Variants in SAE1 observed in about 807,000 individuals in gnomAD.
The protein encoded by SAE1 is SUMO-activating enzyme subunit 1.
In SAE1, 11 loss-of-function variants were observed where a neutral mutation model predicts 40.6. That is an observed-to-expected ratio of 0.27 (90% CI 0.17 to 0.45). The LOEUF is 0.45. Ranked by LOEUF, SAE1 falls within the 20% of genes least tolerant of loss-of-function variation. The pLI, the probability that SAE1 is intolerant of heterozygous loss-of-function variation, is 1.00. For missense variants in SAE1, 373 were observed against 427.3 expected (o/e 0.87, Z 1.12); for synonymous variants, 155 against 154.3 (o/e 1.00, Z -0.03).
intron 5 of SAE1, among the ~76,000 whole-genome samples, chr19:47,159,797 A>C (rs561144883): frequency 2.4e-4 from 36 of 151,974 alleles, no homozygotes; most frequent in Middle Eastern, 3.4e-3. Context: ...GGGTTCAAGC[A>C]ATTCTCCTGC....
intron 1 of SAE1, among the ~76,000 whole-genome samples, chr19:47,137,239 T>C (rs948039449): frequency 6.6e-6 from 1 of 151,718 alleles, no homozygotes. Flanking sequence ...ACAAAAAAAA[T>C]TAGCCAGGTG....
intron 1 of SAE1, among the ~76,000 whole-genome samples, chr19:47,136,494 C>CTT (rs35463823): frequency 2.7e-5 from 3 of 109,624 alleles, no homozygotes; most frequent in Admixed American, 9.7e-5. Flanking sequence ...TTACCCGAGT[C>CTT]TTTTTTTTTT....
intron 6 of SAE1, among the ~76,000 whole-genome samples, chr19:47,190,418 A>C (rs954574261): frequency 2.0e-5 from 3 of 152,210 alleles, no homozygotes; most frequent in South Asian, 4.1e-4. Flanking sequence ...AGAACTTGTC[A>C]GGGGCTAGGG....
chr19:47,152,427 T>A (rs1396553946), intron 3 of SAE1, among the ~76,000 whole-genome samples: 1 of 152,234 alleles, frequency 6.6e-6, no homozygotes, highest in Non-Finnish European at 1.5e-5. Flanking sequence ...TTTATCTTCT[T>A]TATCTTAACA....
In SAE1 at chr19:47,209,599, T is replaced by C; in HGVS notation, c.*348T>C. On this transcript the variant is annotated 3_prime_UTR_variant, in exon 9 of 9. Transcript: ENST00000270225. ...CAGCCCTCTGGGGCATTGTGGGAGATGCCTGCCAGGAATGAGCAAGCTCTG... is the reference window on the plus strand; with the variant it reads ...CAGCCCTCTGGGGCATTGTGGGAGACGCCTGCCAGGAATGAGCAAGCTCTG... 1 of 340,174 alleles carries C rather than the reference T, an allele frequency of 2.9e-6. No homozygotes were observed. Among genetic ancestry groups the C allele is most frequent in the Non-Finnish European group, 5.4e-6 (1 of 186,760 alleles). The allele number at this position is 340,174 out of a possible 1,614,324, so 21.1% of individuals were successfully genotyped here. A position where few individuals can be genotyped will look rare whatever the true frequency, so the allele number is the denominator to read the frequency against.
intron 2 of SAE1, among the ~76,000 whole-genome samples, chr19:47,145,733 A>G (rs1219642414): frequency 6.6e-6 from 1 of 151,994 alleles, no homozygotes; most frequent in African/African-American, 2.4e-5. Flanking sequence ...TAATTACTTC[A>G]TCTGGTTGTA....
At chr19:47,176,385 C>T (rs1238436545) in intron 6 of SAE1, among the ~76,000 whole-genome samples, 2 of 152,230 alleles carry the variant, frequency 1.3e-5, no homozygotes, top group Non-Finnish European at 2.9e-5. Context: ...GGACAAGGTG[C>T]TTGGCTGGGA....
intron 6 of SAE1, among the ~76,000 whole-genome samples, chr19:47,174,852 C>T (rs1013270622): frequency 2.0e-5 from 3 of 151,766 alleles, no homozygotes; most frequent in Admixed American, 6.6e-5. Context: ...GGATTACAGG[C>T]GTGAGCCACC....
intron 1 of SAE1, chr19:47,135,656 CA>C (rs2058174742): frequency 1.3e-5 from 2 of 152,244 alleles, no homozygotes; most frequent in South Asian, 4.2e-4. Flanking sequence ...GCACGTGTCA[CA>C]AGCCCAGCTA....
rs2058614636 is a variant in SAE1, at chr19:47,196,307, T to C, written c.734-926T>C. Among the ~76,000 whole-genome samples, 3 of 142,020 alleles carry C rather than the reference T, an allele frequency of 2.1e-5. No homozygotes were observed. In the South Asian group the frequency reaches 6.9e-4, roughly 33 times the overall value. The allele number at this position is 142,020 out of a possible 152,430, so 93.2% of individuals were successfully genotyped here. A position where few individuals can be genotyped will look rare whatever the true frequency, so the allele number is the denominator to read the frequency against. On this transcript the variant is annotated intron_variant, in intron 6 of 8. Transcript: ENST00000270225. Reference sequence around the variant, plus strand: ...ACCTCGGCCTCCCAAAGTGCTGGGATTACAGGCGTGAGCCACCGCGCCTGG... The same window carrying C: ...ACCTCGGCCTCCCAAAGTGCTGGGACTACAGGCGTGAGCCACCGCGCCTGG...
At chr19:47,133,790 T>TA (rs1157760911) in intron 1 of SAE1, among the ~76,000 whole-genome samples, 1 of 152,128 alleles carries the variant, frequency 6.6e-6, no homozygotes, top group African/African-American at 2.4e-5. Context: ...TTTTGAAAGA[T>TA]ATGGAGAGCT....
At chr19:47,206,309 C>T (rs1021130382) in intron 8 of SAE1, among the ~76,000 whole-genome samples, 3 of 152,200 alleles carry the variant, frequency 2.0e-5, no homozygotes, top group African/African-American at 7.2e-5. Context: ...CTGCTCTCAT[C>T]CCCAGTACTC....
chr19:47,203,017 A>G (rs2058664173), intron 7 of SAE1, among the ~76,000 whole-genome samples: 1 of 152,194 alleles, frequency 6.6e-6, no homozygotes, highest in Non-Finnish European at 1.5e-5. Context: ...GTGAGCACAC[A>G]GCATTGTGTT....
intron 2 of SAE1, among the ~76,000 whole-genome samples, chr19:47,143,962 G>A (rs2123194340): frequency 6.6e-6 from 1 of 152,306 alleles, no homozygotes; most frequent in South Asian, 2.1e-4. Context: ...GTGGCCTGGA[G>A]GCTTCGTGGT....
rs116021796 is a variant in SAE1 at position 47,168,511 on chromosome 19, A to C, written c.628-1307A>C. On this transcript the variant is annotated intron_variant, in intron 5 of 8. Transcript: ENST00000270225. ...GTCTCACTTTGTTGCCCAGGCTGTT[A>C]TTTGACTCCTGGACTCAGGTGATCA... is the stretch of plus-strand genomic sequence containing the variant. 9.4e-3 allele frequency among the ~76,000 whole-genome samples: 1,437 copies of C among 152,144 alleles called. 24 individuals carry two copies. Among genetic ancestry groups the C allele is most frequent in the African/African-American group, 0.033 (1,359 of 41,506 alleles).
At chr19:47,162,589 T>A (rs2058365401) in intron 5 of SAE1, among the ~76,000 whole-genome samples, 1 of 152,194 alleles carries the variant, frequency 6.6e-6, no homozygotes, top group Non-Finnish European at 1.5e-5. Flanking sequence ...TTGGTCCCTC[T>A]ACCCTCCCCA....
chr19:47,164,320 C>T (rs1243354324), intron 5 of SAE1, among the ~76,000 whole-genome samples: 1 of 151,966 alleles, frequency 6.6e-6, no homozygotes. Flanking sequence ...AGACACCCGC[C>T]ACCACACCCG....
At chr19:47,182,916 CTT>C (rs1236870992) in intron 6 of SAE1, among the ~76,000 whole-genome samples, 1 of 152,148 alleles carries the variant, frequency 6.6e-6, no homozygotes, top group African/African-American at 2.4e-5. Flanking sequence ...CACCCTGTCT[CTT>C]TTTTTGACTG....
chr19:47,199,524 C>T (rs1414868022), intron 7 of SAE1, among the ~76,000 whole-genome samples: 1 of 152,072 alleles, frequency 6.6e-6, no homozygotes. Context: ...AACCAGCCAG[C>T]AGCTCGTTAG....
Sources: gnomAD v4.1 joint callset for allele counts (sites outside exome capture counted in the v4.1 genomes callset) on GRCh38, gnomAD v4.1.1 for gene constraint, MANE v1.5 for transcripts, NCBI Gene and HGNC (gene_info 2026-07-23, HGNC 2026-07-21) for gene names.